DNM3: variants seen among roughly 807,000 people sequenced by gnomAD.
The protein encoded by DNM3 is dynamin-3.
In DNM3, 47 loss-of-function variants were observed where a neutral mutation model predicts 101.6. The ratio of observed to expected loss-of-function variants is 0.46; its 90% CI spans 0.37 to 0.59. The LOEUF (loss-of-function observed/expected upper bound fraction) is 0.59, where lower values mean the gene tolerates loss of function less well. Among genes scored for constraint, DNM3 ranks in the 20% least tolerant of loss-of-function variants. The pLI is 0.00. For synonymous variants in DNM3, 385 were observed against 387.9 expected, an observed-to-expected ratio of 0.99 and a Z score of 0.09; for missense variants, 849 against 1,085.7, an observed-to-expected ratio of 0.78 and a Z score of 3.06.
Position 172,162,722 on chromosome 1 carries a change from A to T in DNM3, c.1659+31434A>T, listed in dbSNP as rs573392598. Among the ~76,000 whole-genome samples, 14 of 152,116 alleles carry T rather than the reference A, an allele frequency of 9.2e-5. 1 individual carries two copies. In the South Asian group the frequency reaches 2.7e-3, roughly 29 times the overall value. On this transcript the variant is annotated intron_variant, in intron 14 of 20. Transcript: ENST00000627582. ...GTTTTATAAATAAAATCTCTTAAAAATTTTTCTTTTGAATTAAAAAATATC... is the reference window on the plus strand; with the variant it reads ...GTTTTATAAATAAAATCTCTTAAAATTTTTTCTTTTGAATTAAAAAATATC...
At chr1:172,398,742 G>C (rs1267131503) in intron 20 of DNM3, among the ~76,000 whole-genome samples, 1 of 152,144 alleles carries the variant, frequency 6.6e-6, no homozygotes, top group Non-Finnish European at 1.5e-5. Context: ...GGTAGTTTTT[G>C]TAAGACAGAT....
chr1:171,973,853 C>T (rs889303306), intron 2 of DNM3, among the ~76,000 whole-genome samples: 2 of 151,876 alleles, frequency 1.3e-5, no homozygotes, highest in African/African-American at 2.4e-5. Context: ...TTGGTAGAGA[C>T]GGGATTTCAC....
At chr1:172,269,358 C>G (rs181734494) in intron 15 of DNM3, among the ~76,000 whole-genome samples, 1 of 152,326 alleles carries the variant, frequency 6.6e-6, no homozygotes, top group East Asian at 1.9e-4. Context: ...AACACTGCAG[C>G]TTGGGACAGA....
At chr1:172,376,923 CA>C (rs1390407948) in intron 17 of DNM3, among the ~76,000 whole-genome samples, 1 of 151,642 alleles carries the variant, frequency 6.6e-6, no homozygotes, top group Non-Finnish European at 1.5e-5. Context: ...TTTTGATATG[CA>C]AAAAAGTGAA....
chr1:172,268,561 G>A (rs780405759), intron 15 of DNM3, among the ~76,000 whole-genome samples: 10 of 152,174 alleles, frequency 6.6e-5, no homozygotes, highest in South Asian at 4.1e-4. Flanking sequence ...GCCTGGAGAG[G>A]GATGGATTGG....
At chr1:172,136,681 GA>G (rs1180650191) in intron 14 of DNM3, 1 of 150,852 alleles carries the variant, frequency 6.6e-6, no homozygotes, top group Non-Finnish European at 1.5e-5. Flanking sequence ...TTATAATTTT[GA>G]AAAAAAGAGT....
intron 14 of DNM3, among the ~76,000 whole-genome samples, chr1:172,148,377 A>C (rs769361363): frequency 6.6e-6 from 1 of 151,622 alleles, no homozygotes; most frequent in Non-Finnish European, 1.5e-5. Context: ...TATGGTATGC[A>C]TGTGGTTTCT....
intron 14 of DNM3, chr1:172,133,063 G>T: frequency 6.9e-7 from 1 of 1,451,734 alleles, no homozygotes; most frequent in South Asian, 1.5e-5. Context: ...TCCCACAGAG[G>T]ACTTATGAAG....
At chr1:172,312,300 A>T (rs12404267) in intron 16 of DNM3, among the ~76,000 whole-genome samples, 28,363 of 152,148 alleles carry the variant, frequency 0.19, 2,761 homozygotes, top group East Asian at 0.25. Context: ...TGTGTCATGC[A>T]TGGACATGAG....
intron 4 of DNM3, among the ~76,000 whole-genome samples, chr1:171,999,182 T>A (rs1209955924): frequency 6.6e-6 from 1 of 151,898 alleles, no homozygotes; most frequent in African/African-American, 2.4e-5. Flanking sequence ...ATCAGAGAGG[T>A]CCAGTAGGGG....
intron 2 of DNM3, among the ~76,000 whole-genome samples, chr1:171,940,949 G>A (rs1571732438): frequency 1.3e-5 from 2 of 151,958 alleles, no homozygotes; most frequent in South Asian, 4.2e-4. Flanking sequence ...TAGAATGTAG[G>A]TGTAATCTTT....
At chr1:171,903,406 A>G (rs2038549937) in intron 1 of DNM3, among the ~76,000 whole-genome samples, 1 of 152,232 alleles carries the variant, frequency 6.6e-6, no homozygotes, top group Non-Finnish European at 1.5e-5. Flanking sequence ...TTCCATTTAA[A>G]TTTATGCTCC....
rs1346839278 is a variant in DNM3 at position 172,133,064 on chromosome 1, A to T, written c.1659+1776A>T. ...CCAAGCCAACCTCATCCCACAGAGG[A>T]CTTATGAAGATGAATTCCAGGCATC... On this transcript the variant is annotated intron_variant, in intron 14 of 20. Coordinates refer to ENST00000627582, the MANE Select transcript of DNM3 (RefSeq NM_015569.5). The T allele has an allele frequency of 2.1e-6, 3 of 1,452,082 alleles. No homozygotes were observed. The Admixed American group carries it at 8.6e-5, about 42-fold the overall frequency. The allele number at this position is 1,452,082 out of a possible 1,614,324, so 89.9% of individuals were successfully genotyped here. A position where few individuals can be genotyped will look rare whatever the true frequency, so the allele number is the denominator to read the frequency against.
chr1:171,915,638 T>C (rs1212304688), intron 1 of DNM3, among the ~76,000 whole-genome samples: 1 of 152,162 alleles, frequency 6.6e-6, no homozygotes, highest in Non-Finnish European at 1.5e-5. Context: ...ACTGTAGAGA[T>C]GTTTGGTTCC....
At position 172,033,087 on chromosome 1, in the gene DNM3, A is replaced by G. The variant is rs1299575725; in HGVS notation, c.689-18A>G. 1 of 1,608,608 alleles carries G rather than the reference A, an allele frequency of 6.2e-7. No homozygotes were observed. Among genetic ancestry groups the G allele is most frequent in the Non-Finnish European group, 8.5e-7 (1 of 1,177,500 alleles). On this transcript the variant is annotated intron_variant, in intron 5 of 20. Coordinates refer to ENST00000627582, the MANE Select transcript of DNM3 (RefSeq NM_015569.5). ...ACAAAAAGTGTCCCCAACTCCATAG[A>G]TTTGTGTTTTGTTTCAGGTTACGTG...
chr1:172,138,331 C>G (rs2057367538), intron 14 of DNM3: 1 of 124,056 alleles, frequency 8.1e-6, no homozygotes, highest in Admixed American at 9.6e-5. Flanking sequence ...TTTTCTCTGT[C>G]TTTCCACCCT....
At chr1:171,933,226 G>A (rs568590759) in intron 2 of DNM3, among the ~76,000 whole-genome samples, 6 of 152,242 alleles carry the variant, frequency 3.9e-5, no homozygotes, top group Admixed American at 1.3e-4. Flanking sequence ...TCATGTGACC[G>A]TAGACTTGGG....
chr1:172,346,157 GA>G (rs1160999436), intron 17 of DNM3, among the ~76,000 whole-genome samples: 6 of 150,222 alleles, frequency 4.0e-5, no homozygotes, highest in Non-Finnish European at 8.9e-5. Flanking sequence ...GAAAGAAAAA[GA>G]TGTAGATTAG....
intron 2 of DNM3, among the ~76,000 whole-genome samples, chr1:171,934,451 G>T (rs1482856754): frequency 6.6e-6 from 1 of 152,188 alleles, no homozygotes; most frequent in East Asian, 1.9e-4. Context: ...TTGAATCAAA[G>T]CTATACTAGT....
Sources: gnomAD v4.1 joint callset for allele counts (sites outside exome capture counted in the v4.1 genomes callset) on GRCh38, gnomAD v4.1.1 for gene constraint, MANE v1.5 for transcripts, NCBI Gene and HGNC (gene_info 2026-07-23, HGNC 2026-07-21) for gene names.